IL31RA: variants seen among roughly 807,000 people sequenced by gnomAD.
IL31RA encodes the protein interleukin 31 receptor A, also known as interleukin-31 receptor subunit alpha.
A neutral mutation model predicts 83.7 loss-of-function variants in IL31RA; 66 were observed. The ratio of observed to expected loss-of-function variants is 0.79; its 90% confidence interval spans 0.65 to 0.97. IL31RA has a LOEUF of 0.97. Among genes scored for constraint, IL31RA ranks in the 50% least tolerant of loss-of-function variants. The pLI is 0.00. For synonymous variants in IL31RA, 325 were observed against 329.0 expected (o/e 0.99, Z 0.13); for missense variants, 798 against 919.4 (o/e 0.87, Z 1.71).
At chr5:55,906,011 T>G in intron 8 of IL31RA, 95 bp from the exon 9 acceptor site, 4 of 1,312,688 alleles carry the variant, frequency 3.0e-6, no homozygotes, top group Admixed American at 1.7e-5. Context: ...ACTTTGGCCT[T>G]GTTTTACAGC....
intron 2 of IL31RA, among the ~76,000 whole-genome samples, chr5:55,867,567 C>T (rs1172699693): frequency 6.6e-6 from 1 of 151,796 alleles, no homozygotes; most frequent in Non-Finnish European, 1.5e-5. Flanking sequence ...CTAATAATTG[C>T]CTTAATTTAG....
chr5:55,892,675 T>C (rs1056502084), intron 6 of IL31RA, among the ~76,000 whole-genome samples: 1 of 152,230 alleles, frequency 6.6e-6, no homozygotes, highest in Non-Finnish European at 1.5e-5. Flanking sequence ...GCTCTTCCCC[T>C]GCCATGGCTG....
In IL31RA at chr5:55,891,761, A is replaced by ATTTTTTTTTTTTTTTTTTTTTTTT. The variant is rs35672011; in HGVS notation, c.772+1635_772+1658dup. 3.3e-5 allele frequency among the ~76,000 whole-genome samples: 2 copies of ATTTTTTTTTTTTTTTTTTTTTTTT among 59,994 alleles called. 1 individual carries two copies. Among genetic ancestry groups the ATTTTTTTTTTTTTTTTTTTTTTTT allele is most frequent in the Non-Finnish European group, 5.8e-5 (2 of 34,710 alleles). The allele number at this position is 59,994 out of a possible 152,430, so 39.4% of individuals were successfully genotyped here. A position where few individuals can be genotyped will look rare whatever the true frequency, so the allele number is the denominator to read the frequency against. ...TACAGGTTCCAGGGATTTGGACAAGATTTTTTTTTTTTTTTTTTTTTTTTT... is the reference window on the plus strand; with the variant it reads ...TACAGGTTCCAGGGATTTGGACAAGATTTTTTTTTTTTTTTTTTTTTTTTTTTTTTTTTTTTTTTTTTTTTTTTT... On this transcript the variant is annotated intron_variant, in intron 6 of 14. Transcript: ENST00000652347.
rs552676342 is a variant in IL31RA at position 55,910,663 on chromosome 5, T to C, written c.1633T>C (p.Leu545=). 1.2e-6 allele frequency: 2 copies of C among 1,614,164 alleles called. No homozygotes were observed. The highest frequency in any genetic ancestry group is 1.7e-5 in the Admixed American group (1 of 60,026). ...CGGGACCAGCATAAATTTCAAGACA[T>C]TGTCATTCAGTGAGTATTTCCTTCA... The part of the protein sequence containing the change: ...TNGTSINFKT[L]SFSVFEIILI... The change falls in exon 12 of 15, where the codon TTG becomes CTG. Residue 545 remains leucine, a synonymous_variant. Coordinates refer to ENST00000652347, the MANE Select transcript of IL31RA (RefSeq NM_139017.7).
chr5:55,917,755 C>A lies in IL31RA; in HGVS notation c.*635C>A, dbSNP rs1251645322. 4.0e-5 allele frequency among the ~76,000 whole-genome samples: 6 copies of A among 150,124 alleles called. No individual in the cohort carries two copies. The highest frequency in any genetic ancestry group is 3.9e-4 in the Admixed American group (6 of 15,266). ...GAATCCTCACCCCCAATTTAGACTG[C>A]ATTGACTACTAAAAAATCAAGGAAT... On this transcript the variant is annotated 3_prime_UTR_variant, in exon 15 of 15. Coordinates refer to ENST00000652347, the MANE Select transcript of IL31RA (RefSeq NM_139017.7).
intron 11 of IL31RA, chr5:55,909,144 A>G (rs1749342700): frequency 6.5e-6 from 1 of 153,850 alleles, no homozygotes. Flanking sequence ...ATCATAAAAT[A>G]TGTGGTCTTT....
At chr5:55,901,578 A>G (rs1748803569) in intron 8 of IL31RA, among the ~76,000 whole-genome samples, 2 of 133,474 alleles carry the variant, frequency 1.5e-5, no homozygotes, top group Admixed American at 1.6e-4. Context: ...GCTAATTATT[A>G]CTATTGTCAT....
intron 3 of IL31RA, among the ~76,000 whole-genome samples, chr5:55,869,251 A>G (rs1341643456): frequency 2.0e-5 from 3 of 152,198 alleles, no homozygotes; most frequent in Non-Finnish European, 4.4e-5. Context: ...CAGATATAGT[A>G]AGTAAGGTTG....
Position 55,922,373 on chromosome 5 carries a change from T to C in IL31RA, c.*5253T>C. 6.5e-7 allele frequency: 1 copy of C among 1,547,866 alleles called. No homozygotes were observed. Among genetic ancestry groups the C allele is most frequent in the Non-Finnish European group, 8.7e-7 (1 of 1,144,066 alleles). ...GGCTGTTCAAGGGAAGTGAGATACTTGTACTATGCATTTCATTTTTAGGAC... is the reference window on the plus strand; with the variant it reads ...GGCTGTTCAAGGGAAGTGAGATACTCGTACTATGCATTTCATTTTTAGGAC... On this transcript the variant is annotated 3_prime_UTR_variant, in exon 15 of 15. Transcript: ENST00000652347.
chr5:55,899,167 C>G (rs1211045870), intron 7 of IL31RA, among the ~76,000 whole-genome samples: 1 of 152,084 alleles, frequency 6.6e-6, no homozygotes, highest in Admixed American at 6.5e-5. Context: ...GGCAGTGGGA[C>G]GAAGTGCCTG....
chr5:55,901,763 G>A (rs1748833022), intron 8 of IL31RA, among the ~76,000 whole-genome samples: 1 of 151,942 alleles, frequency 6.6e-6, no homozygotes, highest in Admixed American at 6.6e-5. Flanking sequence ...TTACAGGCAT[G>A]TGCCACCACA....
intron 1 of IL31RA, chr5:55,853,479 C>A (rs758783593): frequency 4.5e-5 from 70 of 1,549,236 alleles, no homozygotes; most frequent in Non-Finnish European, 6.0e-5. Context: ...TCTTCCTGTC[C>A]TGACTTGTGC....
chr5:55,882,386 T>A (rs1050580680), intron 4 of IL31RA, among the ~76,000 whole-genome samples: 2 of 152,180 alleles, frequency 1.3e-5, no homozygotes, highest in Non-Finnish European at 2.9e-5. Flanking sequence ...AACAAAAGCT[T>A]TATTTAGCGT....
chr5:55,855,085 T>G (rs1475204157), intron 1 of IL31RA, among the ~76,000 whole-genome samples: 1 of 152,132 alleles, frequency 6.6e-6, no homozygotes, highest in Non-Finnish European at 1.5e-5. Flanking sequence ...GTTATGAGTC[T>G]GCAGGTGCTT....
chr5:55,917,163 G>T lies in IL31RA; in HGVS notation c.*43G>T. 6.2e-7 allele frequency: 1 copy of T among 1,612,806 alleles called. No individual in the cohort carries two copies. Among genetic ancestry groups the T allele is most frequent in the Non-Finnish European group, 8.5e-7 (1 of 1,180,018 alleles). On this transcript the variant is annotated 3_prime_UTR_variant, in exon 15 of 15. Coordinates refer to ENST00000652347, the MANE Select transcript of IL31RA (RefSeq NM_139017.7). ...GACCCTCGGGGCCTCAGTGTGGATG[G>T]CCCTTGCCAGAGAAGATGTCAAGAC...
intron 11 of IL31RA, chr5:55,908,794 G>T (rs1749325325): frequency 1.4e-6 from 2 of 1,400,602 alleles, no homozygotes. Context: ...GCCAAATCAT[G>T]CTTTTGTTTT....
chr5:55,851,999 G>T (rs1478015909), intron 1 of IL31RA, among the ~76,000 whole-genome samples: 1 of 152,020 alleles, frequency 6.6e-6, no homozygotes, highest in Non-Finnish European at 1.5e-5. Context: ...ATGCTCAATT[G>T]GTCTTGTCTT....
At chr5:55,857,329 G>A (rs1745421035) in intron 1 of IL31RA, among the ~76,000 whole-genome samples, 1 of 152,088 alleles carries the variant, frequency 6.6e-6, no homozygotes, top group African/African-American at 2.4e-5. Context: ...TTGAACTCCT[G>A]ACCTCAAGTG....
intron 6 of IL31RA, among the ~76,000 whole-genome samples, chr5:55,893,526 AT>A (rs1251541810): frequency 6.6e-6 from 1 of 151,592 alleles, no homozygotes; most frequent in Non-Finnish European, 1.5e-5. Flanking sequence ...GAAAATTTTA[AT>A]TTTTTTTTCA....
Sources: allele counts gnomAD v4.1 joint callset (sites outside exome capture counted in the v4.1 genomes callset), GRCh38; gene constraint gnomAD v4.1.1; transcripts MANE v1.5; gene names NCBI Gene and HGNC (gene_info 2026-07-23, HGNC 2026-07-21).